PLCH2: variants seen among roughly 807,000 people sequenced by gnomAD.
PLCH2 encodes phospholipase C eta 2.
In PLCH2, 98 loss-of-function variants were observed where a neutral mutation model predicts 134.7. The ratio of observed to expected loss-of-function variants is 0.73; its 90% CI spans 0.62 to 0.86. The LOEUF (loss-of-function observed/expected upper bound fraction) is 0.86. Ranked by LOEUF, PLCH2 falls within the 40% of genes least tolerant of loss-of-function variation. The pLI is 0.00. For missense variants in PLCH2, 1,994 were observed against 1,986.6 expected (o/e 1.00, Z -0.07); for synonymous variants, 974 against 827.5 (o/e 1.18, Z -3.04).
upstream of PLCH2, among the ~76,000 whole-genome samples, chr1:2,475,183 G>A (rs528584453): frequency 8.9e-4 from 135 of 152,262 alleles, no homozygotes; most frequent in African/African-American, 3.1e-3. Flanking sequence ...CACCTCCCAC[G>A]CCTGACCTTG....
intron 5 of PLCH2, among the ~76,000 whole-genome samples, chr1:2,485,427 C>T (rs1055453813): frequency 2.6e-5 from 4 of 152,350 alleles, no homozygotes; most frequent in South Asian, 2.1e-4. Flanking sequence ...CCTCCAGCCT[C>T]GTAGGAGTGC....
intron 1 of PLCH2, among the ~76,000 whole-genome samples, chr1:2,469,371 CT>C (rs1641218588): frequency 6.6e-6 from 1 of 152,218 alleles, no homozygotes. Flanking sequence ...TGCCTGCGTC[CT>C]CTGGGCAGAG....
intron 2 of PLCH2, among the ~76,000 whole-genome samples, chr1:2,453,257 G>A (rs947856064): frequency 2.7e-5 from 4 of 150,630 alleles, no homozygotes; most frequent in East Asian, 3.8e-4. Context: ...GTCTGTGGGC[G>A]CCGTGCTCCC....
In PLCH2 at chr1:2,504,502, GC is replaced by G; in HGVS notation, c.3546del (p.Arg1183GlyfsTer15). The G allele has an allele frequency of 1.2e-6, 2 of 1,612,208 alleles. No individual in the cohort carries two copies. The highest frequency in any genetic ancestry group is 2.2e-5 in the East Asian group (1 of 44,832). On this transcript the variant is annotated frameshift_variant, in exon 22 of 22. Coordinates refer to ENST00000378486, the MANE Select transcript of PLCH2 (RefSeq NM_014638.4). LOFTEE classifies it high-confidence loss of function. Reference protein sequence around the residue: ...NLAGAHMGRLPPRPHSASAAR... With the variant: ...NLAGAHMGRLXPRPHSASAAR... Reference sequence around the variant, plus strand: ...TCGCTGGAGCCCACATGGGACGCCTGCCCCCCAGGCCCCACTCGGCTTCGGC... The same window carrying G: ...TCGCTGGAGCCCACATGGGACGCCTGCCCCCAGGCCCCACTCGGCTTCGGC...
chr1:2,433,535 C>T (rs1311365967), intron 2 of PLCH2, among the ~76,000 whole-genome samples: 1 of 152,162 alleles, frequency 6.6e-6, no homozygotes, highest in Non-Finnish European at 1.5e-5. Flanking sequence ...TGCCTTGAGG[C>T]TGGCACAGGT....
chr1:2,497,183 C>T (rs1032102056), intron 15 of PLCH2, among the ~76,000 whole-genome samples, 173 bp downstream of exon 15: 1 of 152,262 alleles, frequency 6.6e-6, no homozygotes, highest in Non-Finnish European at 1.5e-5. Context: ...CTGCCACTGA[C>T]ACCAGGCTAG....
chr1:2,424,796 G>C (rs1407717985), upstream of PLCH2, among the ~76,000 whole-genome samples: 10 of 152,290 alleles, frequency 6.6e-5, no homozygotes, highest in South Asian at 2.1e-4. Context: ...GACCATCCTG[G>C]CTAACACAGT....
chr1:2,424,009 C>T (rs1278204624), upstream of PLCH2, among the ~76,000 whole-genome samples: 1 of 152,152 alleles, frequency 6.6e-6, no homozygotes, highest in Non-Finnish European at 1.5e-5. Context: ...AAGTGGTGCT[C>T]CCACCCTGGC....
rs1570409628 is a variant in PLCH2, at chr1:2,479,938, A to T, written c.476A>T (p.Asp159Val). 1.2e-6 allele frequency: 2 copies of T among 1,609,122 alleles called. No homozygotes were observed. The highest frequency in any genetic ancestry group is 2.7e-5 in the African/African-American group (2 of 74,862). ...CGCTACCTCATGGCCGGCATCAGCG[A>T]CGAGGACAGCCTGGCTCGCCGCCAG... ...GLRYLMAGIS[D>V]EDSLARRQRT... Residue 159 changes from aspartate (D) to valine (V), a missense_variant, in exon 3 of 22, where the codon GAC becomes GTC. By Grantham distance (152) the Asp-to-Val change is radical. This residue lies in a region of PLCH2 where 1,094 missense variants were observed against 1,234.3 expected (regional missense o/e 0.89). Coordinates refer to ENST00000378486, the MANE Select transcript of PLCH2 (RefSeq NM_014638.4).
intron 1 of PLCH2, among the ~76,000 whole-genome samples, chr1:2,427,005 G>A (rs1018293209): frequency 1.3e-5 from 2 of 152,204 alleles, no homozygotes; most frequent in African/African-American, 4.8e-5. Flanking sequence ...GTGGCCCCTG[G>A]CAGAGTGGCA....
chr1:2,501,832 C>T (rs2100739902), intron 20 of PLCH2: 2 of 418,708 alleles, frequency 4.8e-6, no homozygotes, highest in African/African-American at 2.1e-5. Flanking sequence ...GCCCCACATG[C>T]CCTGGACAGG....
intron 4 of PLCH2, among the ~76,000 whole-genome samples, chr1:2,483,198 A>G (rs1642070034): frequency 6.6e-6 from 1 of 152,146 alleles, no homozygotes; most frequent in Non-Finnish European, 1.5e-5. Context: ...GGACTCAGCC[A>G]GTGTAGGCGG....
At chr1:2,419,432 C>T in the PLCH2 span, among the ~76,000 whole-genome samples, 7 of 152,256 alleles carry the variant, frequency 4.6e-5, no homozygotes, top group East Asian at 5.8e-4. Flanking sequence ...ATCGAAGGGG[C>T]GCCTGTGCGG....
Position 2,504,728 on chromosome 1 carries a change from A to C in PLCH2, c.3766A>C (p.Ser1256Arg). ...QDCPVAAKSK[S>R]LGDLTADDFA... ...CTGCCCCGTGGCTGCCAAGTCCAAG[A>C]GCCTGGGCGACCTCACTGCTGATGA... The change falls in exon 22 of 22, where the codon AGC (serine) becomes CGC (arginine). Residue 1256 changes from serine to arginine, a missense_variant. Around this residue, in one of 2 missense-constraint regions of PLCH2, gnomAD observed 900 missense variants for 752.3 expected, o/e 1.20. Transcript: ENST00000378486. 7.4e-6 allele frequency: 12 copies of C among 1,612,464 alleles called. No individual in the cohort carries two copies. Among genetic ancestry groups the C allele is most frequent in the Non-Finnish European group, 1.0e-5 (12 of 1,179,778 alleles).
At chr1:2,433,662 A>G (rs932041769) in intron 2 of PLCH2, among the ~76,000 whole-genome samples, 10 of 152,114 alleles carry the variant, frequency 6.6e-5, no homozygotes, top group Admixed American at 3.3e-4. Flanking sequence ...CGGCTCTTGT[A>G]TGTTTCTTTT....
rs573125158 is a variant in PLCH2 at position 2,491,373 on chromosome 1, G to GC, written c.1659+45dup. 199 of 1,595,124 alleles carry GC rather than the reference G, an allele frequency of 1.2e-4. 2 individuals are homozygous for GC. The South Asian group carries it at 2.0e-3, about 16-fold the overall frequency. On this transcript the variant is annotated intron_variant, in intron 11 of 21. Transcript: ENST00000378486. ...AAGGTGACACCCCTGATGCCGACAGGCCCCCCCGACAGCCAGCCTGTGGGC... is the reference window on the plus strand; with the variant it reads ...AAGGTGACACCCCTGATGCCGACAGGCCCCCCCCGACAGCCAGCCTGTGGGC...
chr1:2,498,616 C>T lies in PLCH2; in HGVS notation c.2318C>T (p.Pro773Leu), dbSNP rs993925320. The change falls in exon 17 of 22, where the codon CCG (proline) becomes CTG (leucine). Residue 773 changes from proline (P) to leucine (L), a missense_variant. Pro to Leu is a moderately conservative substitution (Grantham distance 98). Coordinates refer to ENST00000378486, the MANE Select transcript of PLCH2 (RefSeq NM_014638.4). This position sits in a 1 kb window ranked among gnomAD's most constrained non-coding sequence, Gnocchi z 5.4. ...ATCAGTGGCCAGCAGCTTCCCAAGC[C>T]GCGCGACTCCATGCTGGGGGACCGT... ...RIISGQQLPK[P>L]RDSMLGDRGE... 8.2e-6 allele frequency: 13 copies of T among 1,585,674 alleles called. No individual in the cohort carries two copies. The highest frequency in any genetic ancestry group is 2.3e-5 in the East Asian group (1 of 43,458).
chr1:2,505,325 C>A lies in PLCH2; in HGVS notation c.*112C>A. On this transcript the variant is annotated 3_prime_UTR_variant, in exon 22 of 22. Coordinates refer to ENST00000378486, the MANE Select transcript of PLCH2 (RefSeq NM_014638.4). ...CCCAAAACTGTGTCCCCCTGGCTGC[C>A]CTGTGTCCCCTCCACCCCTGCCTCC... 1 of 767,396 alleles carries A rather than the reference C, an allele frequency of 1.3e-6. No homozygotes were observed. Among genetic ancestry groups the A allele is most frequent in the South Asian group, 1.8e-5 (1 of 54,572 alleles). The allele number at this position is 767,396 out of a possible 1,614,324, so 47.5% of individuals were successfully genotyped here.
At chr1:2,451,770 C>G (rs550934756) in intron 2 of PLCH2, among the ~76,000 whole-genome samples, 114 of 152,282 alleles carry the variant, frequency 7.5e-4, no homozygotes, top group African/African-American at 2.4e-3. Context: ...CCCCACCGGC[C>G]TGGGACCCTA....
Sources: gnomAD v4.1 joint callset for allele counts (sites outside exome capture counted in the v4.1 genomes callset) on GRCh38, gnomAD v4.1.1 for gene constraint, gnomAD v4.1.1 regional missense constraint, Gnocchi (gnomAD v3.1) non-coding constraint, MANE v1.5 for transcripts, NCBI Gene and HGNC (gene_info 2026-07-23, HGNC 2026-07-21) for gene names.